DNAH6: variants seen among roughly 807,000 people sequenced by gnomAD.
DNAH6 encodes axonemal beta dynein heavy chain 6.
A neutral mutation model predicts 491.4 loss-of-function variants in DNAH6; 340 were observed. The observed-to-expected ratio is 0.69, with a 90% confidence interval of 0.63 to 0.76. DNAH6 has a LOEUF of 0.76. Ranked by LOEUF, DNAH6 falls within the 30% of genes least tolerant of loss-of-function variation. The pLI is 0.00. For synonymous variants in DNAH6, 1,603 were observed against 1,686.1 expected (o/e 0.95, Z 1.21); for missense variants, 4,443 against 4,972.2 (o/e 0.89, Z 3.20).
At chr2:84,512,197 G>A (rs1466119770), upstream of DNAH6, among the ~76,000 whole-genome samples, 3 of 152,050 alleles carry the variant, frequency 2.0e-5, no homozygotes, top group Non-Finnish European at 2.9e-5. Flanking sequence ...GACTATAATG[G>A]AATACATAAC....
intron 29 of DNAH6, among the ~76,000 whole-genome samples, chr2:84,631,118 C>T (rs527451437): frequency 2.6e-5 from 4 of 152,284 alleles, no homozygotes; most frequent in African/African-American, 7.2e-5. Context: ...GCCGACCTGA[C>T]TCAGACTATT....
chr2:84,694,802 A>G (rs1288159620), intron 46 of DNAH6, among the ~76,000 whole-genome samples: 1 of 152,230 alleles, frequency 6.6e-6, no homozygotes, highest in Admixed American at 6.5e-5. Context: ...CCAAAAATTC[A>G]ATTAGGGAAA....
intron 33 of DNAH6, among the ~76,000 whole-genome samples, chr2:84,647,791 A>G (rs1690039182): frequency 1.3e-5 from 2 of 152,214 alleles, no homozygotes; most frequent in South Asian, 4.1e-4. Context: ...CTGACTTTGG[A>G]AACAAAAGGC....
At chr2:84,490,230 A>G in the DNAH6 span, among the ~76,000 whole-genome samples, 1 of 30,746 alleles carries the variant, frequency 3.3e-5, no homozygotes, top group Admixed American at 5.6e-4. Flanking sequence ...GAAAGTCTTA[A>G]CGCTTGGTTT....
chr2:84,501,766 G>C, the DNAH6 span, among the ~76,000 whole-genome samples: 4 of 149,928 alleles, frequency 2.7e-5, no homozygotes, highest in South Asian at 4.2e-4. Flanking sequence ...TAGGTTGTAA[G>C]TGTCTAGAAA....
chr2:84,752,144 C>T (rs1331252437), intron 63 of DNAH6, among the ~76,000 whole-genome samples: 1 of 152,120 alleles, frequency 6.6e-6, no homozygotes, highest in East Asian at 1.9e-4. Context: ...ATAGAGAAAC[C>T]AGAATTATGA....
intron 33 of DNAH6, among the ~76,000 whole-genome samples, chr2:84,648,549 A>G (rs1296479443): frequency 4.6e-5 from 7 of 152,178 alleles, no homozygotes; most frequent in Non-Finnish European, 1.0e-4. Flanking sequence ...GTTGATTCCA[A>G]CCCTCATGGA....
chr2:84,769,217 G>A (rs1027282799), intron 64 of DNAH6, among the ~76,000 whole-genome samples: 1 of 152,220 alleles, frequency 6.6e-6, no homozygotes, highest in African/African-American at 2.4e-5. Context: ...TGCAGCCAGA[G>A]CGGGCAACCA....
chr2:84,593,125 A>C (rs1283649766), intron 16 of DNAH6, among the ~76,000 whole-genome samples: 1 of 152,200 alleles, frequency 6.6e-6, no homozygotes, highest in Non-Finnish European at 1.5e-5. Context: ...AAAGTTAAAA[A>C]ATAAATTTTT....
In DNAH6 at chr2:84,681,477, G is replaced by A. The variant is rs528704325; in HGVS notation, c.6865G>A (p.Ala2289Thr). The change falls in exon 42 of 77, where the codon GCC becomes ACC. Residue 2289 changes from alanine (A) to threonine (T), a missense_variant. Transcript: ENST00000389394. ...KMSVDLLPTP[A>T]KSHYVFNLRD... Reference sequence around the variant, plus strand: ...GAGTGTTGACCTCCTGCCAACACCCGCCAAGTCCCATTATGTCTTTAACTT... The same window carrying A: ...GAGTGTTGACCTCCTGCCAACACCCACCAAGTCCCATTATGTCTTTAACTT... 84 of 1,550,800 alleles carry A rather than the reference G, an allele frequency of 5.4e-5. No individual in the cohort carries two copies. The African/African-American group carries it at 6.6e-4, about 12-fold the overall frequency.
At chr2:84,802,589 G>T (rs185121916) in intron 70 of DNAH6, among the ~76,000 whole-genome samples, 2 of 151,646 alleles carry the variant, frequency 1.3e-5, no homozygotes, top group Admixed American at 6.6e-5. Context: ...TTTTACAGCC[G>T]CACAATAATC....
chr2:84,532,341 C>A (rs945029406), intron 4 of DNAH6, among the ~76,000 whole-genome samples: 3 of 152,136 alleles, frequency 2.0e-5, no homozygotes, highest in African/African-American at 7.2e-5. Context: ...ATCATTATTG[C>A]AGTTTAGGGT....
chr2:84,623,581 A>G (rs961796589), intron 26 of DNAH6, among the ~76,000 whole-genome samples: 12 of 152,210 alleles, frequency 7.9e-5, no homozygotes, highest in African/African-American at 2.9e-4. Flanking sequence ...TTCCTCAAAG[A>G]AACTTCATCT....
intron 59 of DNAH6, among the ~76,000 whole-genome samples, chr2:84,721,296 T>A (rs911835584): frequency 2.6e-5 from 4 of 152,114 alleles, no homozygotes; most frequent in Admixed American, 1.3e-4. Context: ...TTTAGTTGAG[T>A]CCCATATTAA....
chr2:84,621,245 A>G lies in DNAH6; in HGVS notation c.3847A>G (p.Lys1283Glu). The G allele has an allele frequency of 6.4e-7, 1 of 1,551,618 alleles. No individual in the cohort carries two copies. Among genetic ancestry groups the G allele is most frequent in the Non-Finnish European group, 8.7e-7 (1 of 1,146,900 alleles). Reference protein sequence around the residue: ...ARGNVEEWLGKVEEAMFTSLR... With the variant: ...ARGNVEEWLGEVEEAMFTSLR... ...AGGCAATGTAGAGGAATGGCTTGGT[A>G]AAGTGGAAGAAGCCATGTTCACATC... Residue 1283 changes from lysine to glutamate, a missense_variant, in exon 25 of 77, where the codon AAA becomes GAA. This residue lies in a region of DNAH6 where 2,977 missense variants were observed against 3,296.6 expected (regional missense o/e 0.90). Transcript: ENST00000389394.
rs142377380 is a variant in DNAH6 at position 84,782,075 on chromosome 2, G to A, written c.10864+422G>A. 6.6e-5 allele frequency among the ~76,000 whole-genome samples: 10 copies of A among 152,116 alleles called. No homozygotes were observed. The East Asian group carries it at 1.4e-3, about 21-fold the overall frequency. ...TACCACCTTTTATCTTCTGTAACCCGCATGGCAACTAACCTTTACATGTGC... is the reference window on the plus strand; with the variant it reads ...TACCACCTTTTATCTTCTGTAACCCACATGGCAACTAACCTTTACATGTGC... On this transcript the variant is annotated intron_variant, in intron 65 of 76. Coordinates refer to ENST00000389394, the MANE Select transcript of DNAH6 (RefSeq NM_001370.2).
chr2:84,522,583 C>A (rs1198382720), intron 2 of DNAH6, among the ~76,000 whole-genome samples: 1 of 152,054 alleles, frequency 6.6e-6, no homozygotes, highest in East Asian at 1.9e-4. Context: ...CAGCTTTTAA[C>A]AATTGAGTGT....
At position 84,745,150 on chromosome 2, in the gene DNAH6, C is replaced by A. The variant is rs61731722; in HGVS notation, c.10413C>A (p.His3471Gln). 761 of 1,549,018 alleles carry A rather than the reference C, an allele frequency of 4.9e-4. 4 individuals carry two copies. The African/African-American group carries it at 9.6e-3, about 20-fold the overall frequency. The change falls in exon 63 of 77, where the codon CAC becomes CAA. Residue 3471 changes from histidine to glutamine, a missense_variant. His to Gln is a conservative substitution (Grantham distance 24, BLOSUM62 0). Coordinates refer to ENST00000389394, the MANE Select transcript of DNAH6 (RefSeq NM_001370.2). ...GYSKMKHEDK[H>Q]MRQEKEAAHQ... ...CTAAAATGAAACACGAAGATAAACA[C>A]ATGAGACAGGAAAAGGAGGCAGCAC...
At chr2:84,500,395 G>A in the DNAH6 span, among the ~76,000 whole-genome samples, 4 of 152,208 alleles carry the variant, frequency 2.6e-5, no homozygotes, top group South Asian at 4.1e-4. Flanking sequence ...CTATGTGTTT[G>A]TTTTTATGCC....
Sources: allele counts gnomAD v4.1 joint callset (sites outside exome capture counted in the v4.1 genomes callset), GRCh38; gene constraint gnomAD v4.1.1; regional missense constraint gnomAD v4.1.1; transcripts MANE v1.5; gene names NCBI Gene and HGNC (gene_info 2026-07-23, HGNC 2026-07-21).